The following RAET1E variants were observed in gnomAD, a reference collection of about 807,000 sequenced individuals.
The protein encoded by RAET1E is NKG2D ligand 4.
In RAET1E, 27 loss-of-function variants were observed where a neutral mutation model predicts 21.1. The ratio of observed to expected loss-of-function variants is 1.28; its 90% confidence interval spans 0.94 to 1.76. The LOEUF (loss-of-function observed/expected upper bound fraction) is 1.76. Ranked by LOEUF, RAET1E falls within the 40% of genes most tolerant of loss-of-function variation. The probability of loss-of-function intolerance (pLI) is 0.00; values close to 1 mark genes in which losing one functional copy is unlikely to be tolerated. For missense variants in RAET1E, 310 were observed against 311.3 expected, an observed-to-expected ratio of 1.00 and a Z score of 0.03; for synonymous variants, 113 against 115.0, an observed-to-expected ratio of 0.98 and a Z score of 0.11.
Position 149,883,215 on chromosome 6 carries a change from G to C in RAET1E, c.*5283C>G, listed in dbSNP as rs1777473477. 6.6e-6 allele frequency among the ~76,000 whole-genome samples: 1 copy of C among 152,060 alleles called. No homozygotes were observed. Among genetic ancestry groups the C allele is most frequent in the Non-Finnish European group, 1.5e-5 (1 of 68,008 alleles). On this transcript the variant is annotated 3_prime_UTR_variant, in exon 6 of 6. Transcript: ENST00000357183. ...ATAAGTTTATAATTTGTAAAGATCT[G>C]ATAAAAATTATCAGATGATAAGAAT...
chr6:149,892,042 T>G lies in RAET1E; in HGVS notation c.-133-1008A>C, dbSNP rs1404620340. ...TGGTTTCCAGCTTTATCCACGTCCC[T>G]GCAAAGGGCATAAACTCATCCCTTT... On this transcript the variant is annotated intron_variant, in intron 2 of 5. Transcript: ENST00000357183. 2.0e-5 allele frequency among the ~76,000 whole-genome samples: 3 copies of G among 152,358 alleles called. No homozygotes were observed. In the East Asian group the frequency reaches 5.8e-4, roughly 29 times the overall value.
Position 149,888,397 on chromosome 6 carries a change from C to A in RAET1E, c.*101G>T. The A allele has an allele frequency of 7.0e-7, 1 of 1,424,548 alleles. No homozygotes were observed. Among genetic ancestry groups the A allele is most frequent in the Non-Finnish European group, 9.7e-7 (1 of 1,034,420 alleles). The allele number at this position is 1,424,548 out of a possible 1,614,324, so 88.2% of individuals were successfully genotyped here. A position where few individuals can be genotyped will look rare whatever the true frequency, so the allele number is the denominator to read the frequency against. ...CCAGCCCTGCTGTGTAGTGTGGGGG[C>A]TCAAGACTAAGGCAGTGCACCATTT... is the stretch of plus-strand genomic sequence containing the variant. On this transcript the variant is annotated 3_prime_UTR_variant, in exon 6 of 6. Transcript: ENST00000357183.
At chr6:149,891,266 C>T (rs1190682961) in intron 2 of RAET1E, among the ~76,000 whole-genome samples, 1 of 151,988 alleles carries the variant, frequency 6.6e-6, no homozygotes, top group Non-Finnish European at 1.5e-5. Context: ...TTCCTCTTCC[C>T]TTCTCCTCCC....
intron 2 of RAET1E, among the ~76,000 whole-genome samples, chr6:149,894,038 C>A (rs1054662900): frequency 2.0e-5 from 3 of 152,184 alleles, no homozygotes; most frequent in Non-Finnish European, 4.4e-5. Context: ...AGCCTTGCAT[C>A]CCAGGTATGA....
intron 4 of RAET1E, 109 bp from the exon 5 acceptor site, chr6:149,889,732 A>T: frequency 6.6e-7 from 1 of 1,505,178 alleles, no homozygotes; most frequent in Non-Finnish European, 9.0e-7. Flanking sequence ...CTTTCTGCCC[A>T]GACTTGCCCT....
rs1778098230 is a variant in RAET1E, at chr6:149,895,948, C to T, written c.-236G>A. On this transcript the variant is annotated 5_prime_UTR_variant, in exon 2 of 6. Transcript: ENST00000357183. ...GATGGCTGTCTTCCTGTTGTATCCT[C>T]ACACAGTGGAGAGCAGAGACAGACA... 6.6e-6 allele frequency: 1 copy of T among 152,254 alleles called. No homozygotes were observed. The highest frequency in any genetic ancestry group is 2.4e-5 in the African/African-American group (1 of 41,454). 9.4% of individuals were successfully genotyped at this position (152,254 alleles called of 1,614,324 possible).
At position 149,885,841 on chromosome 6, in the gene RAET1E, C is replaced by A. The variant is rs1186144862; in HGVS notation, c.*2657G>T. Among the ~76,000 whole-genome samples, 1 of 152,192 alleles carries A rather than the reference C, an allele frequency of 6.6e-6. No homozygotes were observed. Among genetic ancestry groups the A allele is most frequent in the Non-Finnish European group, 1.5e-5 (1 of 68,036 alleles). On this transcript the variant is annotated 3_prime_UTR_variant, in exon 6 of 6. Coordinates refer to ENST00000357183, the MANE Select transcript of RAET1E (RefSeq NM_001394057.1). ...TACTATATAGCAGCCATGATAGATT[C>A]TCAGGTTACAAAAGTAATGTCCTCA...
rs758548853 is a variant in RAET1E at position 149,889,971 on chromosome 6, C to T, written c.260G>A (p.Trp87Ter). 1.2e-6 allele frequency: 2 copies of T among 1,614,126 alleles called. No homozygotes were observed. Among genetic ancestry groups the T allele is most frequent in the Non-Finnish European group, 1.7e-6 (2 of 1,180,026 alleles). Residue 87 changes from tryptophan (W) to a stop codon, truncating the protein, a stop_gained, in exon 4 of 6, where the codon TGG (tryptophan) becomes TAG (stop). Transcript: ENST00000357183. LOFTEE classifies it high-confidence loss of function. Reference sequence around the variant, plus strand: ...TCCCAGCGTTTGGGTCAATTCTCCCCAAGTGCTGGTGGCATATACCTTCTT... The same window carrying T: ...TCCCAGCGTTTGGGTCAATTCTCCCTAAGTGCTGGTGGCATATACCTTCTT... The part of the protein sequence containing the change: ...LGKKVYATST[W>*]GELTQTLGEV...
rs764610654 is a variant in RAET1E, at chr6:149,889,483, C to T, written c.487G>A (p.Glu163Lys). 10 of 1,614,206 alleles carry T rather than the reference C, an allele frequency of 6.2e-6. No homozygotes were observed. Among genetic ancestry groups the T allele is most frequent in the Non-Finnish European group, 8.5e-6 (10 of 1,180,044 alleles). ...CATGTCTCCTTGATCTTACTGGCTTCATGATTAATTACTGTCCAGGTCATG... is the reference window on the plus strand; with the variant it reads ...CATGTCTCCTTGATCTTACTGGCTTTATGATTAATTACTGTCCAGGTCATG... ...MNMTWTVINH[E>K]ASKIKETWKK... Residue 163 changes from glutamate to lysine, a missense_variant, in exon 5 of 6, where the codon GAA becomes AAA. By Grantham distance (56) the Glu-to-Lys change is moderately conservative. Transcript: ENST00000357183.
chr6:149,895,084 G>A (rs1054815729), intron 2 of RAET1E, among the ~76,000 whole-genome samples: 7 of 152,198 alleles, frequency 4.6e-5, no homozygotes, highest in African/African-American at 1.4e-4. Context: ...TATCACCAGC[G>A]GAGGCTGCAG....
rs538846165 is a variant in RAET1E at position 149,883,840 on chromosome 6, A to C, written c.*4658T>G. 3.9e-5 allele frequency: 6 copies of C among 152,986 alleles called. No homozygotes were observed. In the East Asian group the frequency reaches 9.6e-4, roughly 25 times the overall value. The allele number at this position is 152,986 out of a possible 1,614,324, so 9.5% of individuals were successfully genotyped here. A position where few individuals can be genotyped will look rare whatever the true frequency, so the allele number is the denominator to read the frequency against. ...TAGGGAAGAATTTCAGTGTAATGTG[A>C]ATTGCACGTTTGCTTATGAGTAACT... On this transcript the variant is annotated 3_prime_UTR_variant, in exon 6 of 6. Coordinates refer to ENST00000357183, the MANE Select transcript of RAET1E (RefSeq NM_001394057.1).
rs930693562 is a variant in RAET1E, at chr6:149,890,250, G to GCGGGGCAGCT, written c.86-115_86-106dup. 7 of 1,275,104 alleles carry GCGGGGCAGCT rather than the reference G, an allele frequency of 5.5e-6. No homozygotes were observed. In the Middle Eastern group the frequency reaches 6.0e-4, roughly 109 times the overall value. 79.0% of individuals were successfully genotyped at this position (1,275,104 alleles called of 1,614,324 possible). A position where few individuals can be genotyped will look rare whatever the true frequency, so the allele number is the denominator to read the frequency against. Reference sequence around the variant, plus strand: ...CCTGGACTGGGCCAGGCTAGCAGAGGCGGGGCAGCTCCATCCCAGACTCCC... The same window carrying GCGGGGCAGCT: ...CCTGGACTGGGCCAGGCTAGCAGAGGCGGGGCAGCTCGGGGCAGCTCCATCCCAGACTCCC... On this transcript the variant is annotated intron_variant, in intron 3 of 5. Coordinates refer to ENST00000357183, the MANE Select transcript of RAET1E (RefSeq NM_001394057.1).
In RAET1E at chr6:149,885,413, G is replaced by C. The variant is rs1203800350; in HGVS notation, c.*3085C>G. On this transcript the variant is annotated 3_prime_UTR_variant, in exon 6 of 6. Coordinates refer to ENST00000357183, the MANE Select transcript of RAET1E (RefSeq NM_001394057.1). ...GACCCAGAGCTAAGCCTCTCAGGTC[G>C]TGAATGCCCAGGCGATAAATGAAAT... Among the ~76,000 whole-genome samples the C allele has an allele frequency of 6.6e-6, 1 of 152,170 alleles. No homozygotes were observed. The highest frequency in any genetic ancestry group is 1.5e-5 in the Non-Finnish European group (1 of 68,018).
In RAET1E at chr6:149,888,685, A is replaced by AAAAG. The variant is rs763876581; in HGVS notation, c.623-19_623-18insCTTT. The AAAAG allele has an allele frequency of 3.2e-6, 5 of 1,551,724 alleles. No individual in the cohort carries two copies. The East Asian group carries it at 1.2e-4, about 36-fold the overall frequency. On this transcript the variant is annotated intron_variant, in intron 5 of 5. Coordinates refer to ENST00000357183, the MANE Select transcript of RAET1E (RefSeq NM_001394057.1). Reference sequence around the variant, plus strand: ...TGGTGACACTAAAAAAAAAAAAAAAAAGAAAAAAAAGCACAAGCCCTGTCA... The same window carrying AAAAG: ...TGGTGACACTAAAAAAAAAAAAAAAAAAAGAGAAAAAAAAGCACAAGCCCTGTCA...
rs761473568 is a variant in RAET1E, at chr6:149,889,944, T to C, written c.287A>G (p.Glu96Gly). Residue 96 changes from glutamate (E) to glycine (G), a missense_variant, in exon 4 of 6, where the codon GAA (glutamate) becomes GGA (glycine). Transcript: ENST00000357183. ...TWGELTQTLGEVGRDLRMLLC... is the reference protein window; with the variant it reads ...TWGELTQTLGGVGRDLRMLLC... Reference sequence around the variant, plus strand: ...GAGCATCCTGAGGTCTCGCCCCACTTCTCCCAGCGTTTGGGTCAATTCTCC... The same window carrying C: ...GAGCATCCTGAGGTCTCGCCCCACTCCTCCCAGCGTTTGGGTCAATTCTCC... 1.9e-6 allele frequency: 3 copies of C among 1,614,020 alleles called. No homozygotes were observed. In the East Asian group the frequency reaches 6.7e-5, roughly 36 times the overall value.
At position 149,883,388 on chromosome 6, in the gene RAET1E, A is replaced by T. The variant is rs1212864963; in HGVS notation, c.*5110T>A. 24 of 148,688 alleles carry T rather than the reference A, an allele frequency of 1.6e-4. No homozygotes were observed. The highest frequency in any genetic ancestry group is 5.7e-4 in the African/African-American group (23 of 40,416). 9.2% of individuals were successfully genotyped at this position (148,688 alleles called of 1,614,324 possible). ...TTTTTTTTTTTTTGCATTCAGTGTT[A>T]AAGTGTTTATCAGAAAGAACTACTT... On this transcript the variant is annotated 3_prime_UTR_variant, in exon 6 of 6. Transcript: ENST00000357183.
rs1777666937 is a variant in RAET1E, at chr6:149,887,649, CT to C, written c.*848del. On this transcript the variant is annotated 3_prime_UTR_variant, in exon 6 of 6. Coordinates refer to ENST00000357183, the MANE Select transcript of RAET1E (RefSeq NM_001394057.1). ...TCCTCAGTGAGTCAGATGGAGTAGC[CT>C]ATTTTTCTCATTAGAGGGAATCCTA... Among the ~76,000 whole-genome samples, 1 of 152,082 alleles carries C rather than the reference CT, an allele frequency of 6.6e-6. No individual in the cohort carries two copies.
rs749983414 is a variant in RAET1E, at chr6:149,888,687, GA to G, written c.623-21del. On this transcript the variant is annotated intron_variant, in intron 5 of 5. Transcript: ENST00000357183. ...GTGACACTAAAAAAAAAAAAAAAAA[GA>G]AAAAAAAGCACAAGCCCTGTCACAT... 4.4e-6 allele frequency: 6 copies of G among 1,372,468 alleles called. 1 individual carries two copies. Among genetic ancestry groups the G allele is most frequent in the Non-Finnish European group, 5.6e-6 (6 of 1,066,762 alleles). The allele number at this position is 1,372,468 out of a possible 1,614,324, so 85.0% of individuals were successfully genotyped here.
intron 5 of RAET1E, chr6:149,888,983 G>A (rs1777751559): frequency 2.3e-6 from 2 of 885,042 alleles, no homozygotes; most frequent in African/African-American, 1.7e-5. Context: ...TTCTGTGTGG[G>A]GAAGGTGGGG....
Sources: allele counts gnomAD v4.1 joint callset (sites outside exome capture counted in the v4.1 genomes callset), GRCh38; gene constraint gnomAD v4.1.1; transcripts MANE v1.5; gene names NCBI Gene and HGNC (gene_info 2026-07-23, HGNC 2026-07-21).